SAMD4A: variants seen among roughly 807,000 people sequenced by gnomAD.
SAMD4A encodes sterile alpha motif domain containing 4A.
In SAMD4A, 33 loss-of-function variants were observed where a neutral mutation model predicts 81.3. The ratio of observed to expected loss-of-function variants is 0.41; its 90% CI spans 0.31 to 0.54. SAMD4A has a LOEUF of 0.54. Among genes scored for constraint, SAMD4A ranks in the 20% least tolerant of loss-of-function variants. SAMD4A has a pLI of 0.37. For missense variants in SAMD4A, 854 were observed against 951.1 expected, an observed-to-expected ratio of 0.90 and a Z score of 1.34; for synonymous variants, 389 against 382.1, an observed-to-expected ratio of 1.02 and a Z score of -0.21.
intron 4 of SAMD4A, among the ~76,000 whole-genome samples, chr14:54,741,693 C>T (rs1566614293): frequency 6.6e-6 from 1 of 152,194 alleles, no homozygotes; most frequent in African/African-American, 2.4e-5. Context: ...ATGAATGACC[C>T]TCATTCAAAG....
intron 2 of SAMD4A, among the ~76,000 whole-genome samples, chr14:54,640,334 T>C (rs1403087664): frequency 6.6e-6 from 1 of 152,188 alleles, no homozygotes; most frequent in African/African-American, 2.4e-5. Flanking sequence ...ATCTCTAAAA[T>C]CTCTTATCTG....
At chr14:54,762,858 C>CTTTT (rs35747854) in intron 7 of SAMD4A, among the ~76,000 whole-genome samples, 2 of 142,310 alleles carry the variant, frequency 1.4e-5, no homozygotes, top group Non-Finnish European at 1.5e-5. Context: ...TGAATATTCA[C>CTTTT]TTTTTTTTTT....
intron 11 of SAMD4A, among the ~76,000 whole-genome samples, chr14:54,776,986 C>A (rs1481613544): frequency 6.6e-6 from 1 of 152,174 alleles, no homozygotes; most frequent in African/African-American, 2.4e-5. Context: ...TTGTACCAGC[C>A]ATCTTTCCTT....
chr14:54,730,819 A>T (rs1317115220), intron 3 of SAMD4A, among the ~76,000 whole-genome samples: 2 of 152,142 alleles, frequency 1.3e-5, no homozygotes, highest in Non-Finnish European at 2.9e-5. Flanking sequence ...TTCAAAATGT[A>T]TTCTTGAAGT....
intron 4 of SAMD4A, among the ~76,000 whole-genome samples, chr14:54,742,874 T>TA (rs577953908): frequency 5.9e-4 from 90 of 152,242 alleles, no homozygotes; most frequent in Admixed American, 1.9e-3. Flanking sequence ...ACTGTGAAAA[T>TA]ATGTTGTTTG....
intron 3 of SAMD4A, among the ~76,000 whole-genome samples, chr14:54,735,777 C>G (rs11620822): frequency 0.16 from 23,680 of 152,178 alleles, 2,300 homozygotes; most frequent in Non-Finnish European, 0.22. Context: ...TGGGACTGCT[C>G]TACCAGAAAT....
chr14:54,787,495 C>G (rs1462464930), intron 12 of SAMD4A, among the ~76,000 whole-genome samples: 1 of 152,166 alleles, frequency 6.6e-6, no homozygotes, highest in Admixed American at 6.5e-5. Flanking sequence ...GGTCCTCCAG[C>G]TTTCCCTGGA....
At position 54,702,233 on chromosome 14, in the gene SAMD4A, G is replaced by T. The variant is rs1266053768; in HGVS notation, c.368G>T (p.Arg123Met). Reference protein sequence around the residue: ...IEHNQHIEESRQLLSYALIHP... With the variant: ...IEHNQHIEESMQLLSYALIHP... ...CACAACCAGCACATTGAGGAGAGCAGGCAGCTGCTGTCCTATGCTTTGATA... is the reference window on the plus strand; with the variant it reads ...CACAACCAGCACATTGAGGAGAGCATGCAGCTGCTGTCCTATGCTTTGATA... The change falls in exon 3 of 13, where the codon AGG (arginine) becomes ATG (methionine). Residue 123 changes from arginine to methionine, a missense_variant. By Grantham distance (91) the Arg-to-Met change is moderately conservative (BLOSUM62 -1). Transcript: ENST00000554335. 6.2e-7 allele frequency: 1 copy of T among 1,614,198 alleles called. No homozygotes were observed. Among genetic ancestry groups the T allele is most frequent in the Non-Finnish European group, 8.5e-7 (1 of 1,180,030 alleles).
intron 2 of SAMD4A, chr14:54,652,853 G>A (rs1341391126): frequency 6.6e-6 from 1 of 152,134 alleles, no homozygotes; most frequent in Non-Finnish European, 1.5e-5. Context: ...AACTGTTTTG[G>A]TGAATGGATA....
intron 3 of SAMD4A, among the ~76,000 whole-genome samples, chr14:54,715,402 G>A (rs75622238): frequency 1.7e-4 from 26 of 152,100 alleles, no homozygotes; most frequent in Non-Finnish European, 4.4e-5. Flanking sequence ...TGGGCTGGGT[G>A]GGGGAGGAGA....
At chr14:54,778,079 A>G (rs2139953075) in intron 11 of SAMD4A, among the ~76,000 whole-genome samples, 1 of 152,320 alleles carries the variant, frequency 6.6e-6, no homozygotes, top group East Asian at 1.9e-4. Context: ...GTCACCTTGA[A>G]TGGGTCTTTC....
At chr14:54,732,669 G>A (rs2037587084) in intron 3 of SAMD4A, among the ~76,000 whole-genome samples, 1 of 152,108 alleles carries the variant, frequency 6.6e-6, no homozygotes, top group Non-Finnish European at 1.5e-5. Flanking sequence ...TAAAGTTTTG[G>A]TGTAAGACTC....
At chr14:54,749,598 G>A (rs938555551) in intron 5 of SAMD4A, among the ~76,000 whole-genome samples, 1 of 152,080 alleles carries the variant, frequency 6.6e-6, no homozygotes, top group Non-Finnish European at 1.5e-5. Context: ...AAATACAAAG[G>A]TTCCCCTTCC....
Position 54,639,374 on chromosome 14 carries a change from T to C in SAMD4A, c.197-62688T>C, listed in dbSNP as rs368145951. On this transcript the variant is annotated intron_variant, in intron 2 of 12. Coordinates refer to ENST00000554335, the MANE Select transcript of SAMD4A (RefSeq NM_015589.6). ...GGTGAAGTTTCTCAGCGTCTCTGTTTCTTGCATGTGTCTCACACCCTTGTC... is the reference window on the plus strand; with the variant it reads ...GGTGAAGTTTCTCAGCGTCTCTGTTCCTTGCATGTGTCTCACACCCTTGTC... Among the ~76,000 whole-genome samples the C allele has an allele frequency of 5.3e-5, 8 of 152,332 alleles. No homozygotes were observed. In the South Asian group the frequency reaches 1.7e-3, roughly 32 times the overall value.
At chr14:54,588,570 G>A (rs1292190399) in intron 2 of SAMD4A, among the ~76,000 whole-genome samples, 1 of 151,968 alleles carries the variant, frequency 6.6e-6, no homozygotes, top group Non-Finnish European at 1.5e-5. Context: ...GAGTGCTCCT[G>A]TGAACATTTA....
chr14:54,725,041 G>A (rs12887318), intron 3 of SAMD4A, among the ~76,000 whole-genome samples: 1 of 151,978 alleles, frequency 6.6e-6, no homozygotes, highest in Non-Finnish European at 1.5e-5. Context: ...CAAGCTTTTA[G>A]GGCATGTCAC....
intron 2 of SAMD4A, among the ~76,000 whole-genome samples, chr14:54,686,953 C>A (rs894356749): frequency 2.0e-5 from 3 of 152,166 alleles, no homozygotes; most frequent in Admixed American, 2.0e-4. Context: ...GATAAATAAG[C>A]CAGTTCTTCC....
At chr14:54,621,667 C>T (rs775811880) in intron 2 of SAMD4A, among the ~76,000 whole-genome samples, 5 of 152,114 alleles carry the variant, frequency 3.3e-5, no homozygotes, top group South Asian at 4.1e-4. Flanking sequence ...CAGCTCAAAA[C>T]GCATTTTTGA....
At chr14:54,608,358 TC>T (rs1028565822) in intron 2 of SAMD4A, among the ~76,000 whole-genome samples, 22 of 152,342 alleles carry the variant, frequency 1.4e-4, no homozygotes, top group Middle Eastern at 6.8e-3. Flanking sequence ...TCTGTCTCAG[TC>T]CAGGTCCTCA....
Sources: gnomAD v4.1 joint callset for allele counts (sites outside exome capture counted in the v4.1 genomes callset) on GRCh38, gnomAD v4.1.1 for gene constraint, MANE v1.5 for transcripts, NCBI Gene and HGNC (gene_info 2026-07-23, HGNC 2026-07-21) for gene names.